OXNAD1: variants seen among roughly 807,000 people sequenced by gnomAD.
OXNAD1 encodes the protein oxidoreductase NAD-binding domain-containing protein 1.
Under a neutral mutation model 32.9 loss-of-function variants are expected in OXNAD1, and 34 were observed. The observed-to-expected ratio is 1.03, with a 90% CI of 0.79 to 1.38. OXNAD1 has a LOEUF of 1.38. Among genes scored for constraint, OXNAD1 ranks in the 40% most tolerant of loss-of-function variants. The probability of loss-of-function intolerance (pLI) is 0.00; values close to 1 mark genes in which losing one functional copy is unlikely to be tolerated. For missense variants in OXNAD1, 407 were observed against 379.4 expected, an observed-to-expected ratio of 1.07 and a Z score of -0.60; for synonymous variants, 134 against 135.2, an observed-to-expected ratio of 0.99 and a Z score of 0.06.
At chr3:16,333,749 TGAAAA>T (rs1254282219) in intron 9 of OXNAD1, among the ~76,000 whole-genome samples, 1 of 151,758 alleles carries the variant, frequency 6.6e-6, no homozygotes, top group East Asian at 1.9e-4. Context: ...TTGTAAAAAT[TGAAAA>T]GAAAAAATCC....
At chr3:16,341,591 T>A (rs1208451084), downstream of OXNAD1, among the ~76,000 whole-genome samples, 1 of 152,172 alleles carries the variant, frequency 6.6e-6, no homozygotes, top group Non-Finnish European at 1.5e-5. This position sits in a 1 kb window ranked among gnomAD's most constrained non-coding sequence, Gnocchi z 4.7. Context: ...AGTTTTGCTA[T>A]GAACCTAAAA....
In OXNAD1 at chr3:16,302,831, G is replaced by A. The variant is rs182172519; in HGVS notation, c.784+83G>A. The A allele has an allele frequency of 2.0e-6, 2 of 1,001,340 alleles. No homozygotes were observed. The highest frequency in any genetic ancestry group is 3.0e-6 in the Non-Finnish European group (2 of 657,570). 62.0% of individuals were successfully genotyped at this position (1,001,340 alleles called of 1,614,324 possible). On this transcript the variant is annotated intron_variant, in intron 8 of 8. Coordinates refer to ENST00000285083, the MANE Select transcript of OXNAD1 (RefSeq NM_138381.5). This position sits in a 1 kb window ranked among gnomAD's most constrained non-coding sequence, Gnocchi z 4.2. ...GTTGGTTGAGCGTAGATGCTTTATT[G>A]TTGGAAGCTGCTGGCTGGGAATGTC...
intron 1 of OXNAD1, among the ~76,000 whole-genome samples, chr3:16,268,313 C>CTTTTTTTTTTTTTT (rs531751365): frequency 4.9e-5 from 3 of 61,004 alleles, no homozygotes; most frequent in Non-Finnish European, 9.9e-5. Flanking sequence ...AAGAGAACTC[C>CTTTTTTTTTTTTTT]TTTTTTTTTT....
At chr3:16,278,808 G>A (rs997833373) in intron 4 of OXNAD1, among the ~76,000 whole-genome samples, 1 of 152,228 alleles carries the variant, frequency 6.6e-6, no homozygotes, top group African/African-American at 2.4e-5. Flanking sequence ...GGCCCCTGGG[G>A]CAGATGCCTT....
chr3:16,309,845 C>A (rs189594553), downstream of OXNAD1, among the ~76,000 whole-genome samples: 312 of 152,284 alleles, frequency 2.0e-3, 1 homozygote, highest in African/African-American at 7.0e-3. Context: ...TCAGCTTTAC[C>A]TTTCTATAAT....
rs1367843660 is a variant in OXNAD1, at chr3:16,329,599, C to T, written c.*31-7513C>T. 2.6e-5 allele frequency among the ~76,000 whole-genome samples: 4 copies of T among 152,178 alleles called. No individual in the cohort carries two copies. Among genetic ancestry groups the T allele is most frequent in the African/African-American group, 4.8e-5 (2 of 41,458 alleles). ...CCCGTATTCCTCCTGCTGGGTGCCA[C>T]GCTCACCACCTGCTGAAGGAGTCCT... On this transcript the variant is annotated intron_variant, in intron 9 of 9. Coordinates refer to the OXNAD1 transcript ENST00000435829. The surrounding 1 kb of genome is among the most constrained non-coding windows in gnomAD (Gnocchi z 4.5).
At position 16,303,735 on chromosome 3, in the gene OXNAD1, CTT is replaced by C; in HGVS notation, c.*177_*178del. ...CCAGCTGGCAGACTTAAATGATAAA[CTT>C]TTTGCAAAGACCTCAGTGATCAAAC... On this transcript the variant is annotated 3_prime_UTR_variant, in exon 9 of 9. Transcript: ENST00000285083. This position sits in a 1 kb window ranked among gnomAD's most constrained non-coding sequence, Gnocchi z 4.8. The C allele has an allele frequency of 3.0e-6, 2 of 656,812 alleles. No individual in the cohort carries two copies. 40.7% of individuals were successfully genotyped at this position (656,812 alleles called of 1,614,324 possible).
At chr3:16,340,235 A>G (rs1481882667), downstream of OXNAD1, among the ~76,000 whole-genome samples, 1 of 152,244 alleles carries the variant, frequency 6.6e-6, no homozygotes, top group Non-Finnish European at 1.5e-5. Flanking sequence ...TTCTTTGGCC[A>G]ATAGTACATT....
downstream of OXNAD1, among the ~76,000 whole-genome samples, chr3:16,306,548 T>G (rs2067574167): frequency 1.3e-5 from 1 of 78,810 alleles, no homozygotes; most frequent in Non-Finnish European, 2.4e-5. Context: ...ATGTCTTTTA[T>G]TTTAATTAAT....
chr3:16,340,178 G>T (rs1368893067), downstream of OXNAD1, among the ~76,000 whole-genome samples: 1 of 152,222 alleles, frequency 6.6e-6, no homozygotes, highest in Non-Finnish European at 1.5e-5. Flanking sequence ...CTATCAGGAG[G>T]TAGTGCCTGT....
chr3:16,350,492 C>CTT (rs11324617), downstream of OXNAD1, among the ~76,000 whole-genome samples: 16 of 146,630 alleles, frequency 1.1e-4, no homozygotes, highest in African/African-American at 3.5e-4. Context: ...AGATGAATCA[C>CTT]TTTTTTTTTT....
At chr3:16,286,850 G>T (rs200423284) in intron 5 of OXNAD1, among the ~76,000 whole-genome samples, 1 of 152,166 alleles carries the variant, frequency 6.6e-6, no homozygotes, top group East Asian at 1.9e-4. Flanking sequence ...AGTCTTCTTC[G>T]TGTCCAATGC....
chr3:16,318,181 C>T (rs940133539), intron 9 of OXNAD1, among the ~76,000 whole-genome samples: 8 of 152,002 alleles, frequency 5.3e-5, no homozygotes, highest in African/African-American at 1.2e-4. Context: ...GCCCCAGCTC[C>T]GTCACTGACC....
chr3:16,332,472 C>G (rs527960851), intron 9 of OXNAD1, among the ~76,000 whole-genome samples: 14 of 150,466 alleles, frequency 9.3e-5, no homozygotes, highest in Admixed American at 6.0e-4. Flanking sequence ...TATTTTATCT[C>G]TTTAAATGGT....
In OXNAD1 at chr3:16,346,204, C is replaced by T. The variant is rs2071708148; in HGVS notation, c.*31-2972C>T. The T allele has an allele frequency of 6.6e-6, 1 of 152,176 alleles. No individual in the cohort carries two copies. Among genetic ancestry groups the T allele is most frequent in the Admixed American group, 6.5e-5 (1 of 15,280 alleles). 9.4% of individuals were successfully genotyped at this position (152,176 alleles called of 1,614,324 possible). A position where few individuals can be genotyped will look rare whatever the true frequency, so the allele number is the denominator to read the frequency against. On this transcript the variant is annotated intron_variant, in intron 9 of 9. Coordinates refer to the OXNAD1 transcript ENST00000606098. The surrounding 1 kb of genome is among the most constrained non-coding windows in gnomAD (Gnocchi z 4.4). ...CATTTTTAATGACTACACACCTTCC[C>T]TTGACTAAATGGAATCAATCCTTCC...
chr3:16,293,427 A>C (rs887012033), intron 5 of OXNAD1, among the ~76,000 whole-genome samples: 1 of 152,206 alleles, frequency 6.6e-6, no homozygotes, highest in African/African-American at 2.4e-5. Context: ...TAGTGAATAC[A>C]TTAGTATTTT....
At chr3:16,308,545 CATCTT>C (rs942120554), downstream of OXNAD1, among the ~76,000 whole-genome samples, 31 of 152,172 alleles carry the variant, frequency 2.0e-4, no homozygotes, top group South Asian at 6.2e-4. The surrounding 1 kb of genome is among the most constrained non-coding windows in gnomAD (Gnocchi z 4.4). Flanking sequence ...GCCGTTATTT[CATCTT>C]ATTTTATTTT....
At chr3:16,278,254 A>G (rs1030973028) in intron 4 of OXNAD1, among the ~76,000 whole-genome samples, 6 of 152,118 alleles carry the variant, frequency 3.9e-5, no homozygotes, top group African/African-American at 1.4e-4. Context: ...CACCTAATTG[A>G]TTTTGGAAAT....
Position 16,266,982 on chromosome 3 carries a change from CTT to C in OXNAD1, c.-159+1479_-159+1480del, listed in dbSNP as rs113497045. On this transcript the variant is annotated intron_variant, in intron 1 of 8. Coordinates refer to ENST00000285083, the MANE Select transcript of OXNAD1 (RefSeq NM_138381.5). Reference sequence around the variant, plus strand: ...TACTACTTGTTTACCACTAAGGTGTCTTTGCCTGTTGGAGCAAGAGGAGCCCT... The same window carrying C: ...TACTACTTGTTTACCACTAAGGTGTCTGCCTGTTGGAGCAAGAGGAGCCCT... Among the ~76,000 whole-genome samples the C allele has an allele frequency of 2.0e-5, 3 of 152,354 alleles. 1 individual carries two copies. The highest frequency in any genetic ancestry group is 7.2e-5 in the African/African-American group (3 of 41,580).
Sources: gnomAD v4.1 joint callset for allele counts (sites outside exome capture counted in the v4.1 genomes callset) on GRCh38, gnomAD v4.1.1 for gene constraint, Gnocchi (gnomAD v3.1) non-coding constraint, MANE v1.5 for transcripts, NCBI Gene and HGNC (gene_info 2026-07-23, HGNC 2026-07-21) for gene names.